Variants in C1orf94 observed in about 807,000 individuals in gnomAD.
The protein encoded by C1orf94 is uncharacterized protein C1orf94.
A neutral mutation model predicts 53.6 loss-of-function variants in C1orf94; 45 were observed. The observed-to-expected ratio is 0.84, with a 90% confidence interval of 0.66 to 1.08. The LOEUF (loss-of-function observed/expected upper bound fraction) is 1.08, where lower values mean the gene tolerates loss of function less well. Ranked by LOEUF, C1orf94 falls within the 50% of genes least tolerant of loss-of-function variation. C1orf94 has a pLI of 0.00. For synonymous variants in C1orf94, 304 were observed against 296.1 expected, an observed-to-expected ratio of 1.03 and a Z score of -0.27; for missense variants, 762 against 738.9, an observed-to-expected ratio of 1.03 and a Z score of -0.36.
At position 34,206,910 on chromosome 1, in the gene C1orf94, A is replaced by G. The variant is rs888940473; in HGVS notation, c.1447-1247A>G. ...TGGGAATGTCAGGAGTGTCCCCTGC[A>G]TGGGAGCAGAGAGCAAGGAGGGGCT... On this transcript the variant is annotated intron_variant, in intron 4 of 6. Coordinates refer to ENST00000488417, the MANE Select transcript of C1orf94 (RefSeq NM_001134734.2). Among the ~76,000 whole-genome samples, 9 of 152,314 alleles carry G rather than the reference A, an allele frequency of 5.9e-5. No homozygotes were observed. The East Asian group carries it at 1.5e-3, about 26-fold the overall frequency.
chr1:34,212,471 G>C, intron 6 of C1orf94, 65 bp downstream of exon 6: 1 of 1,497,324 alleles, frequency 6.7e-7, no homozygotes, highest in South Asian at 1.3e-5. Flanking sequence ...GGGCAAGTTG[G>C]GTGGGCTTAC....
Position 34,177,026 on chromosome 1 carries a change from C to G in C1orf94, c.-764C>G, listed in dbSNP as rs1465926741. On this transcript the variant is annotated 5_prime_UTR_variant, in exon 1 of 7. Transcript: ENST00000488417. ...AGCCGCCCGGCCCAGCCTGCCTTGC[C>G]GAGTCAGCGCGCTCTTGAGCCGCTG... is the stretch of plus-strand genomic sequence containing the variant. Among the ~76,000 whole-genome samples, 2 of 152,226 alleles carry G rather than the reference C, an allele frequency of 1.3e-5. No homozygotes were observed. The highest frequency in any genetic ancestry group is 2.9e-5 in the Non-Finnish European group (2 of 68,040).
chr1:34,167,999 C>T (rs1642077265), intron 1 of C1orf94, among the ~76,000 whole-genome samples: 1 of 152,094 alleles, frequency 6.6e-6, no homozygotes, highest in Middle Eastern at 3.2e-3. Context: ...TTGATGAAGG[C>T]AGAAAATATG....
intron 1 of C1orf94, among the ~76,000 whole-genome samples, chr1:34,194,859 A>C (rs1390645409): frequency 6.6e-6 from 1 of 152,162 alleles, no homozygotes. Context: ...TTGCTTTGCA[A>C]AGTATTTGGG....
At chr1:34,201,193 A>G (rs1642702025) in intron 3 of C1orf94, among the ~76,000 whole-genome samples, 161 bp downstream of exon 3, 1 of 152,146 alleles carries the variant, frequency 6.6e-6, no homozygotes, top group Non-Finnish European at 1.5e-5. Flanking sequence ...TTCTCCCCAT[A>G]TCCCTTGTTG....
intron 6 of C1orf94, among the ~76,000 whole-genome samples, chr1:34,215,616 T>A (rs1571353121): frequency 6.6e-6 from 1 of 152,032 alleles, no homozygotes; most frequent in Non-Finnish European, 1.5e-5. Flanking sequence ...TGGTGGGACG[T>A]GATGATGGTT....
chr1:34,198,515 C>A (rs1218739283), intron 2 of C1orf94, among the ~76,000 whole-genome samples: 1 of 152,230 alleles, frequency 6.6e-6, no homozygotes, highest in African/African-American at 2.4e-5. Context: ...GCTTCTCCTA[C>A]TTTATGCCCA....
intron 1 of C1orf94, among the ~76,000 whole-genome samples, chr1:34,183,723 G>A (rs184425911): frequency 6.6e-6 from 1 of 152,168 alleles, no homozygotes; most frequent in East Asian, 1.9e-4. Flanking sequence ...GAGCGTGGTG[G>A]CAGGTGCCTA....
chr1:34,201,971 A>T (rs1642714350), intron 3 of C1orf94, 113 bp from the exon 4 acceptor site: 1 of 1,058,448 alleles, frequency 9.4e-7, no homozygotes, highest in Non-Finnish European at 1.4e-6. Context: ...CTTGGAGCTT[A>T]AAGGACCTGA....
At chr1:34,212,508 A>C in intron 6 of C1orf94, 102 bp downstream of exon 6, 1 of 1,214,332 alleles carries the variant, frequency 8.2e-7, no homozygotes, top group Non-Finnish European at 1.1e-6. Flanking sequence ...TGTGTGTTCC[A>C]TGGCTGTGGG....
intron 6 of C1orf94, among the ~76,000 whole-genome samples, chr1:34,214,659 C>G (rs925259169): frequency 6.6e-6 from 1 of 152,142 alleles, no homozygotes; most frequent in African/African-American, 2.4e-5. Context: ...CCTCAGTCAG[C>G]TTTCGGGAAC....
At position 34,188,401 on chromosome 1, in the gene C1orf94, T is replaced by A. The variant is rs137872635; in HGVS notation, c.321-8824T>A. Among the ~76,000 whole-genome samples, 12 of 152,268 alleles carry A rather than the reference T, an allele frequency of 7.9e-5. No individual in the cohort carries two copies. In the East Asian group the frequency reaches 2.3e-3, roughly 29 times the overall value. Reference sequence around the variant, plus strand: ...ATGTGTGAAGACCTTTGGTAAGAAATTAGATGAACATAAAGTCCAGGCTTG... The same window carrying A: ...ATGTGTGAAGACCTTTGGTAAGAAAATAGATGAACATAAAGTCCAGGCTTG... On this transcript the variant is annotated intron_variant, in intron 1 of 6. Transcript: ENST00000488417.
In C1orf94 at chr1:34,177,316, G is replaced by A. The variant is rs1333208205; in HGVS notation, c.-474G>A. ...AGGCGAGCGCCTCCTGCGGGGCCCC[G>A]CCCCCCGAGTGCCTACAATGGTGCC... On this transcript the variant is annotated 5_prime_UTR_variant, in exon 1 of 7. Coordinates refer to ENST00000488417, the MANE Select transcript of C1orf94 (RefSeq NM_001134734.2). 6.6e-6 allele frequency among the ~76,000 whole-genome samples: 1 copy of A among 152,236 alleles called. No individual in the cohort carries two copies. Among genetic ancestry groups the A allele is most frequent in the East Asian group, 1.9e-4 (1 of 5,164 alleles).
Position 34,197,027 on chromosome 1 carries a change from A to G in C1orf94, c.321-198A>G, listed in dbSNP as rs917452623. Reference sequence around the variant, plus strand: ...CCAGGTTTCCCCATTTTTCAAAACCATGCTCTCAGTGCTGCATCCTACCGC... The same window carrying G: ...CCAGGTTTCCCCATTTTTCAAAACCGTGCTCTCAGTGCTGCATCCTACCGC... On this transcript the variant is annotated intron_variant, in intron 1 of 6. Transcript: ENST00000488417. This position sits in a 1 kb window ranked among gnomAD's most constrained non-coding sequence, Gnocchi z 4.1. Among the ~76,000 whole-genome samples, 4 of 152,188 alleles carry G rather than the reference A, an allele frequency of 2.6e-5. No individual in the cohort carries two copies. The highest frequency in any genetic ancestry group is 7.2e-5 in the African/African-American group (3 of 41,460).
intron 1 of C1orf94, among the ~76,000 whole-genome samples, chr1:34,183,587 G>C (rs940107014): frequency 2.0e-5 from 3 of 152,228 alleles, no homozygotes; most frequent in South Asian, 2.1e-4. Context: ...AGGTGCGGTG[G>C]CTTATGCCTA....
At chr1:34,214,141 G>A (rs371189676) in intron 6 of C1orf94, among the ~76,000 whole-genome samples, 20 of 152,218 alleles carry the variant, frequency 1.3e-4, no homozygotes, top group Non-Finnish European at 2.9e-4. Flanking sequence ...AAAGTGGCCC[G>A]AGGACAAAGG....
chr1:34,208,723 C>T (rs1416004128), intron 5 of C1orf94, among the ~76,000 whole-genome samples: 1 of 152,160 alleles, frequency 6.6e-6, no homozygotes, highest in African/African-American at 2.4e-5. Flanking sequence ...AGGTGGGTTC[C>T]ATGTGCCTCT....
chr1:34,173,778 A>T (rs867328054), upstream of C1orf94, among the ~76,000 whole-genome samples: 28 of 152,346 alleles, frequency 1.8e-4, no homozygotes, highest in Middle Eastern at 0.01. Flanking sequence ...GAATTCAAGA[A>T]GTTTTCCAAG....
chr1:34,180,009 A>C (rs1642291171), intron 1 of C1orf94, among the ~76,000 whole-genome samples: 1 of 152,238 alleles, frequency 6.6e-6, no homozygotes, highest in Non-Finnish European at 1.5e-5. Flanking sequence ...TGTCAACCAA[A>C]TAGAACACAA....
Sources: allele counts gnomAD v4.1 joint callset (sites outside exome capture counted in the v4.1 genomes callset), GRCh38; gene constraint gnomAD v4.1.1; non-coding constraint Gnocchi (gnomAD v3.1); transcripts MANE v1.5; gene names NCBI Gene and HGNC (gene_info 2026-07-23, HGNC 2026-07-21).